The following NCKAP5 variants were observed in gnomAD, a reference collection of about 807,000 sequenced individuals.
NCKAP5 encodes nck-associated protein 5.
NCKAP5 carries 92 observed loss-of-function variants against 167.0 expected under a neutral mutation model. The observed-to-expected ratio is 0.55, with a 90% confidence interval of 0.47 to 0.66. The LOEUF (loss-of-function observed/expected upper bound fraction) is 0.66. NCKAP5 is among the 30% of genes least tolerant of loss of function. NCKAP5 has a pLI of 0.00. For missense variants in NCKAP5, 2,378 were observed against 2,315.0 expected, an observed-to-expected ratio of 1.03 and a Z score of -0.56; for synonymous variants, 891 against 877.4, an observed-to-expected ratio of 1.02 and a Z score of -0.27.
At chr2:132,957,447 T>C (rs961824119) in intron 8 of NCKAP5, among the ~76,000 whole-genome samples, 1 of 152,218 alleles carries the variant, frequency 6.6e-6, no homozygotes, top group Non-Finnish European at 1.5e-5. Flanking sequence ...TACATGACCT[T>C]GGGCAAAATT....
chr2:133,656,356 T>C, the NCKAP5 span, among the ~76,000 whole-genome samples: 2 of 152,154 alleles, frequency 1.3e-5, no homozygotes, highest in Non-Finnish European at 2.9e-5. Context: ...ACAGTAGCTA[T>C]TATTATGATT....
At chr2:133,364,329 A>C (rs1269188093) in intron 3 of NCKAP5, among the ~76,000 whole-genome samples, 2 of 152,208 alleles carry the variant, frequency 1.3e-5, no homozygotes, top group Non-Finnish European at 2.9e-5. Flanking sequence ...TTGACTCTGA[A>C]GTGCTCTGAC....
intron 3 of NCKAP5, among the ~76,000 whole-genome samples, chr2:133,427,555 A>G (rs576614539): frequency 8.5e-5 from 13 of 152,288 alleles, no homozygotes; most frequent in Admixed American, 3.3e-4. Context: ...GATCCTTAGC[A>G]CAGATAAAGA....
intron 16 of NCKAP5, among the ~76,000 whole-genome samples, chr2:132,743,246 T>A (rs1413039194): frequency 6.6e-6 from 1 of 151,576 alleles, no homozygotes; most frequent in Non-Finnish European, 1.5e-5. Flanking sequence ...AGCCTGGAGG[T>A]AAATATAGGT....
At chr2:132,837,972 C>G (rs1324456013) in intron 11 of NCKAP5, among the ~76,000 whole-genome samples, 3 of 152,234 alleles carry the variant, frequency 2.0e-5, no homozygotes, top group African/African-American at 7.2e-5. Context: ...GGGGAGGGGC[C>G]CCCTACAGGG....
chr2:132,929,064 G>A (rs1696152948), intron 8 of NCKAP5, among the ~76,000 whole-genome samples: 1 of 152,180 alleles, frequency 6.6e-6, no homozygotes, highest in South Asian at 2.1e-4. Context: ...GAGGCAAACA[G>A]TGGAGCCCCT....
intron 19 of NCKAP5, among the ~76,000 whole-genome samples, chr2:132,676,764 A>G (rs1347123003): frequency 6.6e-6 from 1 of 152,136 alleles, no homozygotes; most frequent in African/African-American, 2.4e-5. Flanking sequence ...CTGTACAGAC[A>G]CTCTGCTAAG....
At chr2:133,619,711 C>T in the NCKAP5 span, among the ~76,000 whole-genome samples, 1 of 152,092 alleles carries the variant, frequency 6.6e-6, no homozygotes, top group South Asian at 2.1e-4. Flanking sequence ...CTTCCCTGGC[C>T]TTGCTAGAGA....
At chr2:132,834,409 A>G (rs1327746796) in intron 11 of NCKAP5, among the ~76,000 whole-genome samples, 1 of 152,060 alleles carries the variant, frequency 6.6e-6, no homozygotes, top group Non-Finnish European at 1.5e-5. Flanking sequence ...CAGTGGCGCG[A>G]TCTCGGCTCA....
chr2:133,556,154 C>CTG (rs1483054853), intron 2 of NCKAP5, among the ~76,000 whole-genome samples: 2 of 152,088 alleles, frequency 1.3e-5, no homozygotes, highest in South Asian at 4.1e-4. Context: ...TTCTAGGGTG[C>CTG]TGGCAATATT....
At chr2:133,104,822 A>G (rs1309935016) in intron 6 of NCKAP5, among the ~76,000 whole-genome samples, 1 of 152,226 alleles carries the variant, frequency 6.6e-6, no homozygotes, top group Non-Finnish European at 1.5e-5. Context: ...TGATTTCGAC[A>G]CATTCAATTA....
intron 16 of NCKAP5, among the ~76,000 whole-genome samples, chr2:132,741,595 AT>A (rs1170054051): frequency 1.3e-5 from 2 of 152,090 alleles, no homozygotes; most frequent in African/African-American, 4.8e-5. Flanking sequence ...CAAAGCAATG[AT>A]TACCACTTAA....
chr2:133,508,281 T>G (rs1426846617), intron 3 of NCKAP5, among the ~76,000 whole-genome samples: 2 of 152,172 alleles, frequency 1.3e-5, no homozygotes, highest in Non-Finnish European at 2.9e-5. Context: ...CACCATAGAT[T>G]AAATTTGGAC....
At position 133,389,113 on chromosome 2, in the gene NCKAP5, G is replaced by A. The variant is rs150180938; in HGVS notation, c.70-86003C>T. ...TCAGTTGGAAATGCAGAAATCACCC[G>A]TCTTCTGCGTCACTCATGCTGGGAG... On this transcript the variant is annotated intron_variant, in intron 3 of 19. Coordinates refer to ENST00000409261, the MANE Select transcript of NCKAP5 (RefSeq NM_207363.3). Among the ~76,000 whole-genome samples, 56 of 152,208 alleles carry A rather than the reference G, an allele frequency of 3.7e-4. No homozygotes were observed. The East Asian group carries it at 7.9e-3, about 22-fold the overall frequency.
chr2:133,308,836 G>C (rs1021801265), intron 3 of NCKAP5, among the ~76,000 whole-genome samples: 5 of 147,330 alleles, frequency 3.4e-5, no homozygotes, highest in Admixed American at 6.8e-5. Flanking sequence ...TCAGCCTCCC[G>C]AGTAGCTGGG....
chr2:133,064,418 G>T (rs2080118551), intron 6 of NCKAP5, among the ~76,000 whole-genome samples: 1 of 151,958 alleles, frequency 6.6e-6, no homozygotes, highest in African/African-American at 2.4e-5. Flanking sequence ...TCACATACGT[G>T]CCAGAAAGAA....
At chr2:132,758,339 G>A (rs1161458288) in intron 16 of NCKAP5, among the ~76,000 whole-genome samples, 2 of 152,114 alleles carry the variant, frequency 1.3e-5, no homozygotes, top group Non-Finnish European at 2.9e-5. Context: ...CTAGATTATA[G>A]GGTTTTTGTA....
chr2:133,611,182 T>C, the NCKAP5 span, among the ~76,000 whole-genome samples: 1 of 152,170 alleles, frequency 6.6e-6, no homozygotes, highest in African/African-American at 2.4e-5. Context: ...TTTTCTGTGT[T>C]GACATATGAT....
At chr2:133,430,345 T>C (rs1690080458) in intron 3 of NCKAP5, among the ~76,000 whole-genome samples, 1 of 152,174 alleles carries the variant, frequency 6.6e-6, no homozygotes, top group Non-Finnish European at 1.5e-5. Context: ...CTGTTGAGAG[T>C]TTCTTTTGCT....
Sources: gnomAD v4.1 joint callset for allele counts (sites outside exome capture counted in the v4.1 genomes callset) on GRCh38, gnomAD v4.1.1 for gene constraint, MANE v1.5 for transcripts, NCBI Gene and HGNC (gene_info 2026-07-23, HGNC 2026-07-21) for gene names.